The following RASA2 variants were observed in gnomAD, a reference collection of about 807,000 sequenced individuals.
The protein encoded by RASA2 is RAS p21 protein activator 2.
RASA2 carries 155 observed loss-of-function variants against 118.2 expected under a neutral mutation model. The ratio of observed to expected loss-of-function variants is 1.31; its 90% CI spans 1.15 to 1.50. The LOEUF (loss-of-function observed/expected upper bound fraction) is 1.50. Among genes scored for constraint, RASA2 ranks in the 40% most tolerant of loss-of-function variants. The probability of loss-of-function intolerance (pLI) is 0.00; values close to 1 mark genes in which losing one functional copy is unlikely to be tolerated. For synonymous variants in RASA2, 353 were observed against 349.1 expected (o/e 1.01, Z -0.12); for missense variants, 1,016 against 1,009.6 (o/e 1.01, Z -0.09).
At chr3:141,567,549 G>T (rs1046191674) in intron 9 of RASA2, among the ~76,000 whole-genome samples, 6 of 152,022 alleles carry the variant, frequency 3.9e-5, no homozygotes, top group Non-Finnish European at 8.8e-5. Flanking sequence ...CTTTTTAAAT[G>T]TATTTTTAAA....
intron 15 of RASA2, among the ~76,000 whole-genome samples, chr3:141,579,260 A>ATAG (rs1407882392): frequency 6.6e-6 from 1 of 152,146 alleles, no homozygotes; most frequent in Non-Finnish European, 1.5e-5. Context: ...CTGTGTTTTG[A>ATAG]TAGAAACTTA....
intron 6 of RASA2, among the ~76,000 whole-genome samples, chr3:141,554,281 T>C (rs2082617146): frequency 1.3e-5 from 2 of 152,220 alleles, no homozygotes; most frequent in Admixed American, 1.3e-4. Flanking sequence ...TTTATGCATG[T>C]AAAATCCTGT....
At chr3:141,579,836 A>C (rs2107767956) in intron 15 of RASA2, among the ~76,000 whole-genome samples, 1 of 151,754 alleles carries the variant, frequency 6.6e-6, no homozygotes, top group Non-Finnish European at 1.5e-5. Flanking sequence ...CAGGCAGATC[A>C]CCTGAGGTCA....
intron 1 of RASA2, among the ~76,000 whole-genome samples, chr3:141,498,770 A>G (rs565586510): frequency 1.3e-5 from 2 of 152,200 alleles, no homozygotes; most frequent in South Asian, 2.1e-4. Flanking sequence ...TTCTGCCAGC[A>G]CCTGGCTTTT....
intron 1 of RASA2, among the ~76,000 whole-genome samples, chr3:141,505,981 T>C (rs1012647232): frequency 3.3e-5 from 5 of 152,238 alleles, no homozygotes; most frequent in Non-Finnish European, 7.3e-5. Context: ...AAGATGTTCT[T>C]GGCATACTTG....
In RASA2 at chr3:141,586,055, A is replaced by C. The variant is rs143060268; in HGVS notation, c.1783A>C (p.Lys595Gln). 8 of 1,611,304 alleles carry C rather than the reference A, an allele frequency of 5.0e-6. No homozygotes were observed. The highest frequency in any genetic ancestry group is 5.9e-6 in the Non-Finnish European group (7 of 1,177,700). ...FLDEISSTET[K>Q]ESSGTSEPVH... ...GGATGAAATTTCATCTACTGAAACTAAAGAGTCCAGTGGTACGAGTGAGCC... is the reference window on the plus strand; with the variant it reads ...GGATGAAATTTCATCTACTGAAACTCAAGAGTCCAGTGGTACGAGTGAGCC... The change falls in exon 18 of 24, where the codon AAA becomes CAA. Residue 595 changes from lysine to glutamine, a missense_variant. Lys to Gln is a moderately conservative substitution (Grantham distance 53). This residue lies in a region of RASA2 where 896 missense variants were observed against 836.4 expected (regional missense o/e 1.07). Coordinates refer to ENST00000286364, the MANE Select transcript of RASA2 (RefSeq NM_006506.5).
chr3:141,571,889 G>A (rs1287751984), intron 11 of RASA2, among the ~76,000 whole-genome samples: 1 of 151,466 alleles, frequency 6.6e-6, no homozygotes, highest in African/African-American at 2.4e-5. Context: ...ACCCTTATAT[G>A]CATATGTATG....
intron 3 of RASA2, among the ~76,000 whole-genome samples, chr3:141,520,542 A>AGT (rs34101510): frequency 0.22 from 32,870 of 150,714 alleles, 4,461 homozygotes; most frequent in Non-Finnish European, 0.31. Context: ...ATATAACTGG[A>AGT]GTGTGTGTGT....
chr3:141,585,120 C>T (rs1054136379), intron 17 of RASA2, among the ~76,000 whole-genome samples: 1 of 151,790 alleles, frequency 6.6e-6, no homozygotes, highest in Non-Finnish European at 1.5e-5. Context: ...TGATTCTTAA[C>T]CTATAATAAA....
At chr3:141,489,280 C>T (rs980368569) in intron 1 of RASA2, among the ~76,000 whole-genome samples, 8 of 152,122 alleles carry the variant, frequency 5.3e-5, no homozygotes, top group African/African-American at 1.9e-4. Flanking sequence ...CTTCCCATTT[C>T]TTTGTCCTCC....
At chr3:141,548,133 G>A (rs575136305) in intron 5 of RASA2, among the ~76,000 whole-genome samples, 2 of 152,228 alleles carry the variant, frequency 1.3e-5, no homozygotes, top group South Asian at 4.2e-4. Flanking sequence ...AGGGATATTG[G>A]CCTATAGTTT....
In RASA2 at chr3:141,487,208, G is replaced by T; in HGVS notation, c.125G>T (p.Gly42Val). 2.8e-6 allele frequency: 4 copies of T among 1,435,760 alleles called. No individual in the cohort carries two copies. Among genetic ancestry groups the T allele is most frequent in the Non-Finnish European group, 3.7e-6 (4 of 1,082,652 alleles). The allele number at this position is 1,435,760 out of a possible 1,614,324, so 88.9% of individuals were successfully genotyped here. ...REVRVLQSLRGKICEAKNLLP... is the reference protein window; with the variant it reads ...REVRVLQSLRVKICEAKNLLP... ...GTTCGAGTGTTGCAGAGCCTGCGGG[G>T]CAAGATCTGTAAGCGGGGGCTGGGC... The change falls in exon 1 of 24, where the codon GGC (glycine) becomes GTC (valine). Residue 42 changes from glycine to valine, a missense_variant. By Grantham distance (109) the Gly-to-Val change is moderately radical. This residue lies in a region of RASA2 where 896 missense variants were observed against 836.4 expected (regional missense o/e 1.07). Transcript: ENST00000286364.
intron 5 of RASA2, among the ~76,000 whole-genome samples, chr3:141,543,757 G>A (rs1227359670): frequency 2.0e-5 from 3 of 151,614 alleles, no homozygotes; most frequent in African/African-American, 7.3e-5. Context: ...CTGATGTGAA[G>A]TTCATTGTCA....
intron 3 of RASA2, among the ~76,000 whole-genome samples, chr3:141,527,950 A>G (rs1398855341): frequency 6.6e-6 from 1 of 152,002 alleles, no homozygotes; most frequent in Admixed American, 6.6e-5. Context: ...TGAATGAACT[A>G]TAAATGCTGT....
chr3:141,489,229 G>GAA (rs35917720), intron 1 of RASA2, among the ~76,000 whole-genome samples: 38 of 149,082 alleles, frequency 2.5e-4, no homozygotes, highest in East Asian at 3.9e-4. Context: ...CTGCTTTCTA[G>GAA]AAAAAAAAAA....
At chr3:141,577,139 A>T (rs779849518) in intron 15 of RASA2, 33 bp downstream of exon 15, 12 of 1,455,752 alleles carry the variant, frequency 8.2e-6, no homozygotes, top group African/African-American at 5.7e-5. Flanking sequence ...GCTTTATTCC[A>T]TTTTTTTAAT....
At chr3:141,520,052 TG>T (rs1437691476) in intron 3 of RASA2, among the ~76,000 whole-genome samples, 1 of 147,948 alleles carries the variant, frequency 6.8e-6, no homozygotes, top group African/African-American at 2.5e-5. Flanking sequence ...CTTGCTCTGT[TG>T]CCCAGGCTGG....
chr3:141,580,085 A>T (rs12637806), intron 15 of RASA2, among the ~76,000 whole-genome samples: 3,630 of 59,272 alleles, frequency 0.061, 116 homozygotes, highest in Non-Finnish European at 0.074. Flanking sequence ...AAAAAAAAAA[A>T]ATATATATAT....
intron 5 of RASA2, among the ~76,000 whole-genome samples, chr3:141,549,698 C>T (rs745408847): frequency 1.3e-5 from 2 of 152,118 alleles, no homozygotes; most frequent in African/African-American, 4.8e-5. Context: ...TAAAAAACCA[C>T]ACATGGCTAA....
Sources: gnomAD v4.1 joint callset for allele counts (sites outside exome capture counted in the v4.1 genomes callset) on GRCh38, gnomAD v4.1.1 for gene constraint, gnomAD v4.1.1 regional missense constraint, MANE v1.5 for transcripts, NCBI Gene and HGNC (gene_info 2026-07-23, HGNC 2026-07-21) for gene names.